Variants in DEPTOR observed in about 807,000 individuals in gnomAD.
DEPTOR encodes DEP domain-containing mTOR-interacting protein.
DEPTOR carries 41 observed loss-of-function variants against 41.6 expected under a neutral mutation model. The ratio of observed to expected loss-of-function variants is 0.98; its 90% CI spans 0.77 to 1.28. The LOEUF is 1.28. Ranked by LOEUF, DEPTOR falls within the 50% of genes most tolerant of loss-of-function variation. DEPTOR has a pLI of 0.00. For missense variants in DEPTOR, 514 were observed against 527.9 expected, an observed-to-expected ratio of 0.97 and a Z score of 0.26; for synonymous variants, 195 against 192.3, an observed-to-expected ratio of 1.01 and a Z score of -0.12.
chr8:119,876,485 A>G (rs1176345857), intron 1 of DEPTOR, among the ~76,000 whole-genome samples: 1 of 152,084 alleles, frequency 6.6e-6, no homozygotes, highest in African/African-American at 2.4e-5. Flanking sequence ...TAAAAATACA[A>G]GAATTAGCCG....
At chr8:120,044,071 C>CAA (rs371815554) in intron 8 of DEPTOR, among the ~76,000 whole-genome samples, 2 of 90,218 alleles carry the variant, frequency 2.2e-5, no homozygotes, top group Non-Finnish European at 2.6e-5. Flanking sequence ...GCTAGCCTAA[C>CAA]AAAAAAAAAA....
chr8:119,918,137 C>T (rs956567182), intron 1 of DEPTOR, among the ~76,000 whole-genome samples: 2 of 152,092 alleles, frequency 1.3e-5, no homozygotes, highest in Non-Finnish European at 2.9e-5. Context: ...GTGTGCTGAA[C>T]GCCGGTCTCC....
At chr8:119,988,446 G>A (rs955775407) in intron 4 of DEPTOR, among the ~76,000 whole-genome samples, 3 of 152,156 alleles carry the variant, frequency 2.0e-5, no homozygotes, top group African/African-American at 7.2e-5. Context: ...GACCAGAGCT[G>A]TTCCTGTTCG....
chr8:119,874,284 T>A lies in DEPTOR; in HGVS notation c.122+316T>A, dbSNP rs543244267. The A allele has an allele frequency of 1.4e-5, 5 of 362,142 alleles. No individual in the cohort carries two copies. The South Asian group carries it at 1.6e-4, about 12-fold the overall frequency. 22.4% of individuals were successfully genotyped at this position (362,142 alleles called of 1,614,324 possible). On this transcript the variant is annotated intron_variant, in intron 1 of 8. Transcript: ENST00000286234. ...CCACCGCGCTGTCCGTCTTCCCGTG[T>A]ACCTGGACGCCGCCAGGCCTCCCGG...
At chr8:120,026,446 G>A (rs1233347433) in intron 8 of DEPTOR, among the ~76,000 whole-genome samples, 5 of 151,670 alleles carry the variant, frequency 3.3e-5, no homozygotes, top group South Asian at 2.1e-4. Flanking sequence ...GGGTTCGAGC[G>A]ATTCTCCTGC....
chr8:119,907,331 TA>T (rs986859085), intron 1 of DEPTOR, among the ~76,000 whole-genome samples: 4 of 152,214 alleles, frequency 2.6e-5, no homozygotes, highest in African/African-American at 4.8e-5. Flanking sequence ...GAAACCTAGA[TA>T]TTTTTTTAAA....
At chr8:120,040,331 C>G (rs931831212) in intron 8 of DEPTOR, among the ~76,000 whole-genome samples, 2 of 151,840 alleles carry the variant, frequency 1.3e-5, no homozygotes, top group African/African-American at 4.8e-5. Context: ...AATCCCAGCA[C>G]TTTGGGAGGC....
At chr8:120,032,553 TG>T (rs1180776040) in intron 8 of DEPTOR, among the ~76,000 whole-genome samples, 3 of 152,058 alleles carry the variant, frequency 2.0e-5, no homozygotes, top group African/African-American at 7.2e-5. Context: ...GGTTCCCGAG[TG>T]GGACCACAAG....
intron 1 of DEPTOR, among the ~76,000 whole-genome samples, chr8:119,885,941 C>G (rs1827358789): frequency 6.6e-6 from 1 of 151,914 alleles, no homozygotes; most frequent in African/African-American, 2.4e-5. Flanking sequence ...GGTGTACTAA[C>G]TAGTATTCAC....
At position 120,030,497 on chromosome 8, in the gene DEPTOR, G is replaced by GTTTTTTTTTTTTTTTTTTT. The variant is rs1171655489; in HGVS notation, c.1102-19069_1102-19051dup. On this transcript the variant is annotated intron_variant, in intron 8 of 8. Coordinates refer to ENST00000286234, the MANE Select transcript of DEPTOR (RefSeq NM_022783.4). ...AATGATGTATTGTGTAGGTTCATCA[G>GTTTTTTTTTTTTTTTTTTT]TTTTTTTTTTTTTTTTTTTTTTTTT... Among the ~76,000 whole-genome samples, 200 of 46,208 alleles carry GTTTTTTTTTTTTTTTTTTT rather than the reference G, an allele frequency of 4.3e-3. 47 individuals carry two copies. Among genetic ancestry groups the GTTTTTTTTTTTTTTTTTTT allele is most frequent in the Non-Finnish European group, 5.7e-3 (154 of 26,948 alleles). The allele number at this position is 46,208 out of a possible 152,430, so 30.3% of individuals were successfully genotyped here. A position where few individuals can be genotyped will look rare whatever the true frequency, so the allele number is the denominator to read the frequency against.
Position 119,965,285 on chromosome 8 carries a change from A to G in DEPTOR, c.479A>G (p.Lys160Arg). Residue 160 changes from lysine to arginine, a missense_variant, in exon 4 of 9, where the codon AAG becomes AGG. Coordinates refer to ENST00000286234, the MANE Select transcript of DEPTOR (RefSeq NM_022783.4). Reference sequence around the variant, plus strand: ...CAGCCCAGGGAGGAGGAAGGGGTCAAGTATGAGCGCACCTTCATGGCATCT... The same window carrying G: ...CAGCCCAGGGAGGAGGAAGGGGTCAGGTATGAGCGCACCTTCATGGCATCT... Reference protein sequence around the residue: ...LLQPREEEGVKYERTFMASEF... With the variant: ...LLQPREEEGVRYERTFMASEF... The G allele has an allele frequency of 6.2e-7, 1 of 1,614,156 alleles. No homozygotes were observed. The highest frequency in any genetic ancestry group is 8.5e-7 in the Non-Finnish European group (1 of 1,180,014).
chr8:120,019,044 C>T (rs1194412715), intron 8 of DEPTOR, among the ~76,000 whole-genome samples: 1 of 152,152 alleles, frequency 6.6e-6, no homozygotes, highest in Non-Finnish European at 1.5e-5. Context: ...GTGGCTCACA[C>T]CTGTAATTTC....
chr8:119,877,278 C>G (rs1339202812), intron 1 of DEPTOR, among the ~76,000 whole-genome samples: 1 of 152,186 alleles, frequency 6.6e-6, no homozygotes, highest in Admixed American at 6.5e-5. Context: ...GGCACTGTAA[C>G]TAGCACATAG....
intron 3 of DEPTOR, among the ~76,000 whole-genome samples, chr8:119,956,546 C>T (rs1586631827): frequency 6.6e-6 from 1 of 152,232 alleles, no homozygotes; most frequent in South Asian, 2.1e-4. Flanking sequence ...TCCACTGGCC[C>T]TCCCCATTCC....
chr8:119,892,945 G>A (rs1465874718), intron 1 of DEPTOR, among the ~76,000 whole-genome samples: 2 of 152,088 alleles, frequency 1.3e-5, no homozygotes, highest in Non-Finnish European at 2.9e-5. Context: ...ACCATGCCCG[G>A]CTAAATTTTG....
At chr8:120,006,944 G>T in intron 7 of DEPTOR, 69 bp downstream of exon 7, 1 of 1,435,476 alleles carries the variant, frequency 7.0e-7, no homozygotes, top group Non-Finnish European at 9.8e-7. Context: ...TGTGTCAATG[G>T]GTAGCTTATA....
At chr8:119,905,206 A>G (rs1236284943) in intron 1 of DEPTOR, among the ~76,000 whole-genome samples, 1 of 152,128 alleles carries the variant, frequency 6.6e-6, no homozygotes, top group Non-Finnish European at 1.5e-5. Flanking sequence ...CTTGTCCGCA[A>G]GAAGCTCACA....
chr8:119,970,996 C>A (rs529964759), intron 4 of DEPTOR, among the ~76,000 whole-genome samples: 3 of 152,140 alleles, frequency 2.0e-5, no homozygotes, highest in South Asian at 2.1e-4. Context: ...TCTGGGAGGC[C>A]AAGGCGGGCG....
intron 4 of DEPTOR, among the ~76,000 whole-genome samples, chr8:119,989,242 C>T (rs961372494): frequency 1.3e-5 from 2 of 151,960 alleles, no homozygotes; most frequent in Admixed American, 6.6e-5. Flanking sequence ...CTCAAGTGAC[C>T]CTTGTGCCTT....
Sources: allele counts gnomAD v4.1 joint callset (sites outside exome capture counted in the v4.1 genomes callset), GRCh38; gene constraint gnomAD v4.1.1; transcripts MANE v1.5; gene names NCBI Gene and HGNC (gene_info 2026-07-23, HGNC 2026-07-21).